Variants in FBP1 observed in about 807,000 individuals in gnomAD.
FBP1 encodes fructose-bisphosphatase 1, also known as fructose-1,6-bisphosphatase 1.
Under a neutral mutation model 29.9 loss-of-function variants are expected in FBP1, and 22 were observed. The observed-to-expected ratio is 0.74, with a 90% CI of 0.53 to 1.05. The LOEUF (loss-of-function observed/expected upper bound fraction) is 1.05, where lower values mean the gene tolerates loss of function less well. Among genes scored for constraint, FBP1 ranks in the 50% least tolerant of loss-of-function variants. The pLI is 0.00. For synonymous variants in FBP1, 175 were observed against 178.6 expected (o/e 0.98, Z 0.16); for missense variants, 345 against 448.2 (o/e 0.77, Z 2.08).
intron 4 of FBP1, 36 bp downstream of exon 4, chr9:94,609,885 C>A (rs773310792): frequency 1.2e-6 from 2 of 1,612,590 alleles, no homozygotes; most frequent in Admixed American, 3.3e-5. Flanking sequence ...CTCACAGACA[C>A]CAGCCAAGCC....
chr9:94,610,964 C>CACCATTCT (rs2131477934), intron 3 of FBP1, among the ~76,000 whole-genome samples: 1 of 151,794 alleles, frequency 6.6e-6, no homozygotes, highest in East Asian at 1.9e-4. Flanking sequence ...CGCGGGTTCA[C>CACCATTCT]ACCATTCTCC....
intron 3 of FBP1, among the ~76,000 whole-genome samples, chr9:94,613,624 C>G (rs931817954): frequency 6.6e-6 from 1 of 151,920 alleles, no homozygotes; most frequent in Admixed American, 6.6e-5. Context: ...AAAAATTAGC[C>G]AGGTGTGGTG....
At chr9:94,632,789 G>A (rs1290689818) in intron 1 of FBP1, among the ~76,000 whole-genome samples, 1 of 152,176 alleles carries the variant, frequency 6.6e-6, no homozygotes, top group African/African-American at 2.4e-5. Flanking sequence ...CTTAACAATT[G>A]GAGAAACAGG....
intron 1 of FBP1, 45 bp downstream of exon 1, chr9:94,639,096 A>G (rs1345293429): frequency 6.4e-7 from 1 of 1,554,202 alleles, no homozygotes; most frequent in Non-Finnish European, 8.7e-7. Context: ...CAGGCTCCCC[A>G]GGCAGACAGA....
chr9:94,632,969 C>A (rs1192345663), intron 1 of FBP1, among the ~76,000 whole-genome samples: 1 of 152,214 alleles, frequency 6.6e-6, no homozygotes, highest in Non-Finnish European at 1.5e-5. Flanking sequence ...GGCAAGCGTG[C>A]CAAAACAGAC....
intron 1 of FBP1, among the ~76,000 whole-genome samples, chr9:94,624,308 A>G (rs1827991178): frequency 7.1e-6 from 1 of 141,084 alleles, no homozygotes; most frequent in Non-Finnish European, 1.5e-5. Context: ...ACTGCACTCC[A>G]GCCTGGGCGA....
In FBP1 at chr9:94,639,200, C is replaced by A; in HGVS notation, c.111G>T (p.Ser37=). ...GTGELTQLLN[S]LCTAVKAISS... ...AGATGGCTTTGACTGCTGTGCAGAG[C>A]GAGTTGAGCAGCTGGGTCAACTCGC... The change falls in exon 1 of 7, where the codon TCG becomes TCT. Residue 37 remains serine, a synonymous_variant. Transcript: ENST00000375326. 1.9e-6 allele frequency: 3 copies of A among 1,604,072 alleles called. No homozygotes were observed. Among genetic ancestry groups the A allele is most frequent in the Non-Finnish European group, 1.7e-6 (2 of 1,175,646 alleles).
chr9:94,614,370 C>G (rs1393749105), intron 3 of FBP1, among the ~76,000 whole-genome samples: 1 of 151,636 alleles, frequency 6.6e-6, no homozygotes, highest in Non-Finnish European at 1.5e-5. Flanking sequence ...GAAACCCCGT[C>G]TCTACTAAAA....
chr9:94,613,042 C>T (rs1030101947), intron 3 of FBP1, among the ~76,000 whole-genome samples: 2 of 152,172 alleles, frequency 1.3e-5, no homozygotes, highest in Admixed American at 1.3e-4. Context: ...CATATTATTC[C>T]ATGTCATCAC....
intron 1 of FBP1, among the ~76,000 whole-genome samples, chr9:94,630,117 T>A (rs1214602796): frequency 6.6e-6 from 1 of 152,186 alleles, no homozygotes; most frequent in African/African-American, 2.4e-5. Flanking sequence ...GAAAGACCTA[T>A]CAGTCTTGAT....
intron 3 of FBP1, among the ~76,000 whole-genome samples, chr9:94,615,002 A>G (rs906265809): frequency 6.6e-6 from 1 of 152,022 alleles, no homozygotes; most frequent in Non-Finnish European, 1.5e-5. Context: ...TCCGCCTCCC[A>G]GGTTCACACC....
Position 94,637,174 on chromosome 9 carries a change from C to T in FBP1, c.170+1967G>A, listed in dbSNP as rs28402382. ...GTAATGGAGTCATCACCTTCCTTAACATGTCTGCTTAATATTCAAAAATAA... is the reference window on the plus strand; with the variant it reads ...GTAATGGAGTCATCACCTTCCTTAATATGTCTGCTTAATATTCAAAAATAA... On this transcript the variant is annotated intron_variant, in intron 1 of 6. Transcript: ENST00000375326. 7.1e-3 allele frequency among the ~76,000 whole-genome samples: 1,079 copies of T among 152,310 alleles called. 10 individuals carry two copies. Among genetic ancestry groups the T allele is most frequent in the African/African-American group, 0.025 (1,028 of 41,570 alleles).
rs28745269 is a variant in FBP1, at chr9:94,621,087, G to A, written c.171-596C>T. Reference sequence around the variant, plus strand: ...AAAGTAGCCGGGTGTGGTGGTGGGTGCCTGTAGTCCCAGCTACTTGGGAGG... The same window carrying A: ...AAAGTAGCCGGGTGTGGTGGTGGGTACCTGTAGTCCCAGCTACTTGGGAGG... On this transcript the variant is annotated intron_variant, in intron 1 of 6. Transcript: ENST00000375326. 6.9e-3 allele frequency among the ~76,000 whole-genome samples: 1,055 copies of A among 152,060 alleles called. 10 individuals carry two copies. Among genetic ancestry groups the A allele is most frequent in the African/African-American group, 0.024 (1,003 of 41,478 alleles).
chr9:94,628,007 G>C (rs1403266780), intron 1 of FBP1, among the ~76,000 whole-genome samples: 1 of 152,224 alleles, frequency 6.6e-6, no homozygotes, highest in East Asian at 1.9e-4. Flanking sequence ...AGTAGCAGTT[G>C]GGGGCTGATC....
intron 5 of FBP1, 45 bp from the exon 6 acceptor site, chr9:94,605,621 AAG>A (rs748895811): frequency 2.0e-6 from 3 of 1,499,132 alleles, no homozygotes; most frequent in African/African-American, 1.5e-5. Flanking sequence ...GAAAATAAGA[AAG>A]AGAGTTTTCT....
chr9:94,639,712 T>C (rs1828257852), upstream of FBP1, among the ~76,000 whole-genome samples: 1 of 149,820 alleles, frequency 6.7e-6, no homozygotes, highest in African/African-American at 2.5e-5. Context: ...CCCCTAGTCT[T>C]CCTGGGCTGT....
intron 4 of FBP1, among the ~76,000 whole-genome samples, chr9:94,607,662 T>C (rs28369750): frequency 0.035 from 5,264 of 152,214 alleles, 286 homozygotes; most frequent in African/African-American, 0.12. Context: ...AGAAGTCCTA[T>C]TGCTCCGGAT....
At chr9:94,611,685 C>T (rs1344053295) in intron 3 of FBP1, among the ~76,000 whole-genome samples, 4 of 152,032 alleles carry the variant, frequency 2.6e-5, no homozygotes, top group African/African-American at 7.2e-5. Context: ...CCTGGGAGGT[C>T]GAGGCTGCAG....
intron 1 of FBP1, among the ~76,000 whole-genome samples, chr9:94,637,675 G>C (rs1038967147): frequency 6.6e-6 from 1 of 152,148 alleles, no homozygotes; most frequent in African/African-American, 2.4e-5. Context: ...ACAGGCTAGA[G>C]CCTACGCGCC....
Sources: gnomAD v4.1 joint callset for allele counts (sites outside exome capture counted in the v4.1 genomes callset) on GRCh38, gnomAD v4.1.1 for gene constraint, MANE v1.5 for transcripts, NCBI Gene and HGNC (gene_info 2026-07-23, HGNC 2026-07-21) for gene names.